The following SLC4A1 variants were observed in gnomAD, a reference collection of about 807,000 sequenced individuals.
The protein encoded by SLC4A1 is solute carrier family 4 member 1 (Diego blood group).
A neutral mutation model predicts 93.1 loss-of-function variants in SLC4A1; 29 were observed. That is an observed-to-expected ratio of 0.31 (90% CI 0.23 to 0.42). The LOEUF (loss-of-function observed/expected upper bound fraction) is 0.42. Ranked by LOEUF, SLC4A1 falls within the 20% of genes least tolerant of loss-of-function variation. SLC4A1 has a pLI of 1.00. For synonymous variants in SLC4A1, 469 were observed against 497.2 expected (o/e 0.94, Z 0.76); for missense variants, 965 against 1,190.1 (o/e 0.81, Z 2.78).
intron 1 of SLC4A1, among the ~76,000 whole-genome samples, chr17:44,266,020 C>T (rs2047493465): frequency 6.6e-6 from 1 of 151,860 alleles, no homozygotes; most frequent in Admixed American, 6.6e-5. Flanking sequence ...TGCAAACAGC[C>T]TTCTTTCTGA....
rs766390834 is a variant in SLC4A1, at chr17:44,258,479, C to G, written c.1021G>C (p.Glu341Gln). The change falls in exon 10 of 20, where the codon GAG (glutamate) becomes CAG (glutamine). Residue 341 changes from glutamate (E) to glutamine (Q), a missense_variant. Glu to Gln is a conservative substitution (Grantham distance 29, BLOSUM62 2). This residue lies in a region of SLC4A1 where 770 missense variants were observed against 1,006.6 expected (regional missense o/e 0.76). Transcript: ENST00000262418. This position sits in a 1 kb window ranked among gnomAD's most constrained non-coding sequence, Gnocchi z 6.1. ...ALLSLVPVQR[E>Q]LLRRRYQSSP... ...GACTGATAGCGCCTTCGAAGTAGCTCCCTCTGCACAGGCACCAGACTGAGC... is the reference window on the plus strand; with the variant it reads ...GACTGATAGCGCCTTCGAAGTAGCTGCCTCTGCACAGGCACCAGACTGAGC... 8.7e-6 allele frequency: 14 copies of G among 1,614,028 alleles called. No homozygotes were observed. The South Asian group carries it at 1.5e-4, about 18-fold the overall frequency.
rs1261499020 is a variant in SLC4A1, at chr17:44,249,063, T to G, written c.*1395A>C. The G allele has an allele frequency of 2.6e-6, 1 of 380,288 alleles. No individual in the cohort carries two copies. Among genetic ancestry groups the G allele is most frequent in the Admixed American group, 3.7e-5 (1 of 27,384 alleles). The allele number at this position is 380,288 out of a possible 1,614,324, so 23.6% of individuals were successfully genotyped here. A position where few individuals can be genotyped will look rare whatever the true frequency, so the allele number is the denominator to read the frequency against. On this transcript the variant is annotated 3_prime_UTR_variant, in exon 20 of 20. Coordinates refer to ENST00000262418, the MANE Select transcript of SLC4A1 (RefSeq NM_000342.4). Reference sequence around the variant, plus strand: ...TTTTAGTAGTAACGGGGTTTCACCATGTTGGCCAGGCTGGTCTCAAACTCC... The same window carrying G: ...TTTTAGTAGTAACGGGGTTTCACCAGGTTGGCCAGGCTGGTCTCAAACTCC...
rs1242645813 is a variant in SLC4A1 at position 44,249,062 on chromosome 17, A to T, written c.*1396T>A. The T allele has an allele frequency of 2.6e-6, 1 of 379,362 alleles. No individual in the cohort carries two copies. Among genetic ancestry groups the T allele is most frequent in the Admixed American group, 3.7e-5 (1 of 27,328 alleles). 23.5% of individuals were successfully genotyped at this position (379,362 alleles called of 1,614,324 possible). ...TTTTTAGTAGTAACGGGGTTTCACCATGTTGGCCAGGCTGGTCTCAAACTC... is the reference window on the plus strand; with the variant it reads ...TTTTTAGTAGTAACGGGGTTTCACCTTGTTGGCCAGGCTGGTCTCAAACTC... On this transcript the variant is annotated 3_prime_UTR_variant, in exon 20 of 20. Coordinates refer to ENST00000262418, the MANE Select transcript of SLC4A1 (RefSeq NM_000342.4).
intron 1 of SLC4A1, among the ~76,000 whole-genome samples, chr17:44,265,526 C>T (rs1030717646): frequency 1.7e-4 from 26 of 151,982 alleles, no homozygotes; most frequent in African/African-American, 5.8e-4. Context: ...CCCGCCACCA[C>T]GCCCAGCTAA....
In SLC4A1 at chr17:44,249,154, G is replaced by A. The variant is rs2047318328; in HGVS notation, c.*1304C>T. ...TGGGATTACAAACGTGAGCCACTGC[G>A]CCCAGCCACCTCCTCTCTTTTCTAC... On this transcript the variant is annotated 3_prime_UTR_variant, in exon 20 of 20. Coordinates refer to ENST00000262418, the MANE Select transcript of SLC4A1 (RefSeq NM_000342.4). 2.2e-6 allele frequency: 1 copy of A among 454,216 alleles called. No individual in the cohort carries two copies. Among genetic ancestry groups the A allele is most frequent in the Non-Finnish European group, 4.4e-6 (1 of 226,018 alleles). The allele number at this position is 454,216 out of a possible 1,614,324, so 28.1% of individuals were successfully genotyped here.
At position 44,256,138 on chromosome 17, in the gene SLC4A1, A is replaced by G. The variant is rs1175086571; in HGVS notation, c.1627-292T>C. On this transcript the variant is annotated intron_variant, in intron 13 of 19. Transcript: ENST00000262418. ...CCATCATCCACCCACTCATTCATCA[A>G]TCATCCATCCATCCAACCATCCATC... Among the ~76,000 whole-genome samples the G allele has an allele frequency of 2.0e-5, 3 of 151,990 alleles. No homozygotes were observed. The East Asian group carries it at 5.8e-4, about 29-fold the overall frequency.
In SLC4A1 at chr17:44,262,630, G is replaced by A. The variant is rs1354374993; in HGVS notation, c.106+6C>T. Reference sequence around the variant, plus strand: ...CATCCCAGCTGAGGGAGGGAGAGGGGCTCACCTGCCGGCTCCTCCATCTGG... The same window carrying A: ...CATCCCAGCTGAGGGAGGGAGAGGGACTCACCTGCCGGCTCCTCCATCTGG... On this transcript the variant is annotated splice_donor_region_variant and intron_variant, in intron 3 of 19. Transcript: ENST00000262418. 1.9e-6 allele frequency: 3 copies of A among 1,603,788 alleles called. No homozygotes were observed. In the Admixed American group the frequency reaches 5.1e-5, roughly 27 times the overall value.
rs1308513232 is a variant in SLC4A1, at chr17:44,262,868, G to A, written c.-2C>T. 1.9e-6 allele frequency: 3 copies of A among 1,614,146 alleles called. No individual in the cohort carries two copies. The highest frequency in any genetic ancestry group is 2.5e-6 in the Non-Finnish European group (3 of 1,180,008). On this transcript the variant is annotated 5_prime_UTR_variant, in exon 2 of 20. Transcript: ENST00000262418. ...AACACCCACCTGCAGCTCCTCCATG[G>A]CGTGGTCCTGAGTGTCCAGTTGTCT... is the stretch of plus-strand genomic sequence containing the variant.
At chr17:44,259,768 G>T in intron 7 of SLC4A1, 41 bp downstream of exon 7, 3 of 1,613,308 alleles carry the variant, frequency 1.9e-6, no homozygotes, top group Non-Finnish European at 2.5e-6. Flanking sequence ...CTCTCTCCTT[G>T]CCCCACCCTG....
At position 44,249,327 on chromosome 17, in the gene SLC4A1, C is replaced by T. The variant is rs1341431219; in HGVS notation, c.*1131G>A. The T allele has an allele frequency of 2.9e-6, 1 of 350,468 alleles. No homozygotes were observed. The allele number at this position is 350,468 out of a possible 1,614,324, so 21.7% of individuals were successfully genotyped here. On this transcript the variant is annotated 3_prime_UTR_variant, in exon 20 of 20. Transcript: ENST00000262418. ...CAATTGGTCAGATCTGGGTTCTCCC[C>T]AAGATTCAGTTTAGATGGAGTTGAG...
chr17:44,264,648 G>A (rs2047480136), intron 1 of SLC4A1, among the ~76,000 whole-genome samples: 1 of 152,204 alleles, frequency 6.6e-6, no homozygotes, highest in African/African-American at 2.4e-5. Context: ...TTTACTGAAT[G>A]ATTGTAAGAA....
At position 44,258,296 on chromosome 17, in the gene SLC4A1, G is replaced by A; in HGVS notation, c.1088-116C>T. 1 of 1,417,754 alleles carries A rather than the reference G, an allele frequency of 7.1e-7. No homozygotes were observed. The highest frequency in any genetic ancestry group is 1.0e-6 in the Non-Finnish European group (1 of 1,003,590). 87.8% of individuals were successfully genotyped at this position (1,417,754 alleles called of 1,614,324 possible). On this transcript the variant is annotated intron_variant, in intron 10 of 19. Transcript: ENST00000262418. This position sits in a 1 kb window ranked among gnomAD's most constrained non-coding sequence, Gnocchi z 6.1. ...GGGAATGGGGCGGCGAAGAAGTCTGGAAGATGTGGGCAAAGGGAGCGATGA... is the reference window on the plus strand; with the variant it reads ...GGGAATGGGGCGGCGAAGAAGTCTGAAAGATGTGGGCAAAGGGAGCGATGA...
At chr17:44,265,239 A>T (rs377052403) in intron 1 of SLC4A1, among the ~76,000 whole-genome samples, 1 of 152,046 alleles carries the variant, frequency 6.6e-6, no homozygotes, top group Non-Finnish European at 1.5e-5. Flanking sequence ...CCGAGGTGAC[A>T]TGGACCCCAG....
Position 44,249,958 on chromosome 17 carries a change from T to G in SLC4A1, c.*500A>C. The G allele has an allele frequency of 5.3e-6, 1 of 189,144 alleles. No individual in the cohort carries two copies. The highest frequency in any genetic ancestry group is 1.1e-5 in the Non-Finnish European group (1 of 89,528). The allele number at this position is 189,144 out of a possible 1,614,324, so 11.7% of individuals were successfully genotyped here. A position where few individuals can be genotyped will look rare whatever the true frequency, so the allele number is the denominator to read the frequency against. ...CTGCTATAGAACAGTCCCTGTGGAG[T>G]TTACAAAGCCCTATTTTACATGTAT... On this transcript the variant is annotated 3_prime_UTR_variant, in exon 20 of 20. Transcript: ENST00000262418.
intron 17 of SLC4A1, among the ~76,000 whole-genome samples, chr17:44,251,802 C>T (rs1443550687): frequency 1.6e-4 from 20 of 122,830 alleles, no homozygotes; most frequent in African/African-American, 5.4e-4. Flanking sequence ...AGTGTGATCT[C>T]GGCTCACAAC....
chr17:44,251,001 C>G (rs1042123921), intron 19 of SLC4A1, among the ~76,000 whole-genome samples, 158 bp downstream of exon 19: 1 of 152,172 alleles, frequency 6.6e-6, no homozygotes, highest in Non-Finnish European at 1.5e-5. Flanking sequence ...AACAAGGCCC[C>G]GTGCTCCAGA....
At chr17:44,255,170 G>A in intron 15 of SLC4A1, 37 bp downstream of exon 15, 1 of 1,427,372 alleles carries the variant, frequency 7.0e-7, no homozygotes, top group Non-Finnish European at 9.7e-7. Flanking sequence ...GAGGACCTGG[G>A]GGGTATCATG....
At chr17:44,260,910 T>C in intron 4 of SLC4A1, 95 bp from the exon 5 acceptor site, 1 of 1,420,958 alleles carries the variant, frequency 7.0e-7, no homozygotes. Context: ...CTTGTGAGGC[T>C]TGGATCCCTG....
chr17:44,259,702 T>C (rs1161261312), intron 7 of SLC4A1, 107 bp downstream of exon 7: 1 of 1,569,784 alleles, frequency 6.4e-7, no homozygotes, highest in Non-Finnish European at 8.8e-7. Flanking sequence ...ACAGGAGTGC[T>C]TCTGGTCCCC....
Sources: allele counts gnomAD v4.1 joint callset (sites outside exome capture counted in the v4.1 genomes callset), GRCh38; gene constraint gnomAD v4.1.1; regional missense constraint gnomAD v4.1.1; non-coding constraint Gnocchi (gnomAD v3.1); transcripts MANE v1.5; gene names NCBI Gene and HGNC (gene_info 2026-07-23, HGNC 2026-07-21).